ZCCHC4: variants seen among roughly 807,000 people sequenced by gnomAD.
ZCCHC4 encodes the protein rRNA N(6)-adenosine-methyltransferase ZCCHC4.
In ZCCHC4, 54 loss-of-function variants were observed where a neutral mutation model predicts 67.7. The ratio of observed to expected loss-of-function variants is 0.80; its 90% CI spans 0.64 to 1.00. The LOEUF (loss-of-function observed/expected upper bound fraction) is 1.00. ZCCHC4 is among the 50% of genes least tolerant of loss of function. ZCCHC4 has a pLI of 0.00. For synonymous variants in ZCCHC4, 198 were observed against 213.5 expected (o/e 0.93, Z 0.63); for missense variants, 609 against 617.0 (o/e 0.99, Z 0.14).
At chr4:25,363,798 T>G (rs1296466438) in intron 10 of ZCCHC4, among the ~76,000 whole-genome samples, 1 of 151,834 alleles carries the variant, frequency 6.6e-6, no homozygotes, top group Non-Finnish European at 1.5e-5. Flanking sequence ...CACACAAAGG[T>G]GGTAAAAGGA....
At chr4:25,362,397 G>A in intron 10 of ZCCHC4, 96 bp downstream of exon 10, 1 of 742,502 alleles carries the variant, frequency 1.3e-6, no homozygotes, top group Non-Finnish European at 2.0e-6. Flanking sequence ...TTTGTTAATA[G>A]GATTTGTATT....
At chr4:25,357,743 G>C (rs1720570812) in intron 8 of ZCCHC4, among the ~76,000 whole-genome samples, 1 of 152,152 alleles carries the variant, frequency 6.6e-6, no homozygotes, top group African/African-American at 2.4e-5. Context: ...TAACTTATTT[G>C]AATGTCAGGC....
At chr4:25,319,752 C>T (rs1305726973) in intron 3 of ZCCHC4, among the ~76,000 whole-genome samples, 1 of 151,824 alleles carries the variant, frequency 6.6e-6, no homozygotes, top group Non-Finnish European at 1.5e-5. Context: ...GTAAGTAGAC[C>T]TAAGGATGAT....
chr4:25,322,402 A>G (rs1718629186), intron 3 of ZCCHC4, among the ~76,000 whole-genome samples: 1 of 152,200 alleles, frequency 6.6e-6, no homozygotes, highest in Non-Finnish European at 1.5e-5. Context: ...GGATTTGCCT[A>G]TTCTAGATGT....
chr4:25,350,466 G>T (rs890713897), intron 7 of ZCCHC4, among the ~76,000 whole-genome samples: 5 of 151,742 alleles, frequency 3.3e-5, no homozygotes, highest in Non-Finnish European at 5.9e-5. Flanking sequence ...ACAGGGTTTT[G>T]CCATGTTGGC....
In ZCCHC4 at chr4:25,369,143, C is replaced by A; in HGVS notation, c.1521C>A (p.Ala507=). The A allele has an allele frequency of 6.2e-7, 1 of 1,612,346 alleles. No individual in the cohort carries two copies. The highest frequency in any genetic ancestry group is 8.5e-7 in the Non-Finnish European group (1 of 1,179,448). The change falls in exon 13 of 13, where the codon GCC becomes GCA. Residue 507 remains alanine, a synonymous_variant. Coordinates refer to ENST00000302874, the MANE Select transcript of ZCCHC4 (RefSeq NM_024936.3). The part of the protein sequence containing the change: ...ATRRKKRRER[A]HQYLGS Reference sequence around the variant, plus strand: ...GGAGAAAGAAAAGGAGGGAAAGAGCCCATCAATATCTTGGCTCTTAAATGT... The same window carrying A: ...GGAGAAAGAAAAGGAGGGAAAGAGCACATCAATATCTTGGCTCTTAAATGT...
intron 5 of ZCCHC4, among the ~76,000 whole-genome samples, chr4:25,336,353 A>C (rs191368649): frequency 1.3e-5 from 2 of 152,294 alleles, no homozygotes; most frequent in African/African-American, 4.8e-5. Flanking sequence ...GATTGTATGG[A>C]TATGCATGGA....
intron 8 of ZCCHC4, among the ~76,000 whole-genome samples, chr4:25,360,800 G>C (rs781313217): frequency 6.6e-6 from 1 of 152,144 alleles, no homozygotes; most frequent in Non-Finnish European, 1.5e-5. Flanking sequence ...ATTCCTGATG[G>C]GGGGGCATGA....
At chr4:25,317,937 A>G (rs1023662529) in intron 3 of ZCCHC4, among the ~76,000 whole-genome samples, 1 of 152,214 alleles carries the variant, frequency 6.6e-6, no homozygotes, top group African/African-American at 2.4e-5. Context: ...ATGTAAAAGC[A>G]GATAGTAATA....
At chr4:25,334,189 G>T (rs1719334260) in intron 5 of ZCCHC4, among the ~76,000 whole-genome samples, 1 of 152,120 alleles carries the variant, frequency 6.6e-6, no homozygotes, top group Non-Finnish European at 1.5e-5. Flanking sequence ...TTCTCCTTTT[G>T]CTGGTGGGCT....
chr4:25,325,737 C>T (rs1203174438), intron 3 of ZCCHC4, among the ~76,000 whole-genome samples: 2 of 152,044 alleles, frequency 1.3e-5, no homozygotes, highest in Non-Finnish European at 2.9e-5. Context: ...AAATCTTTGC[C>T]AAACCCAGTC....
intron 8 of ZCCHC4, among the ~76,000 whole-genome samples, chr4:25,358,734 G>A (rs540236964): frequency 6.6e-6 from 1 of 152,232 alleles, no homozygotes; most frequent in Non-Finnish European, 1.5e-5. Context: ...TGCACGTTAT[G>A]TAACCACACC....
rs1377947025 is a variant in ZCCHC4 at position 25,333,229 on chromosome 4, C to G, written c.376C>G (p.Gln126Glu). Reference sequence around the variant, plus strand: ...GCCCTTGACTCAGAGAAAGTTTTGTCAAACATGTCAGCAGTTGTTGTTACC... The same window carrying G: ...GCCCTTGACTCAGAGAAAGTTTTGTGAAACATGTCAGCAGTTGTTGTTACC... ...ELPLTQRKFC[Q>E]TCQQLLLPDD... Residue 126 changes from glutamine (Q) to glutamate (E), a missense_variant, in exon 4 of 13, where the codon CAA (glutamine) becomes GAA (glutamate). By Grantham distance (29) the Gln-to-Glu change is conservative. Coordinates refer to ENST00000302874, the MANE Select transcript of ZCCHC4 (RefSeq NM_024936.3). 2.0e-5 allele frequency: 33 copies of G among 1,613,956 alleles called. No individual in the cohort carries two copies. The highest frequency in any genetic ancestry group is 2.6e-5 in the Non-Finnish European group (31 of 1,179,996).
intron 3 of ZCCHC4, among the ~76,000 whole-genome samples, chr4:25,330,763 G>A (rs1719138776): frequency 6.6e-6 from 1 of 152,150 alleles, no homozygotes; most frequent in Non-Finnish European, 1.5e-5. Context: ...TGTATTGTGA[G>A]GCATTTCCAC....
intron 12 of ZCCHC4, among the ~76,000 whole-genome samples, chr4:25,367,746 GA>G (rs1721007866): frequency 6.6e-6 from 1 of 152,040 alleles, no homozygotes; most frequent in African/African-American, 2.4e-5. Context: ...ATCTAAATAT[GA>G]AAAAATTTAA....
rs1720634183 is a variant in ZCCHC4, at chr4:25,359,383, A to C, written c.1012-2476A>C. Among the ~76,000 whole-genome samples, 2 of 152,066 alleles carry C rather than the reference A, an allele frequency of 1.3e-5. No individual in the cohort carries two copies. Among genetic ancestry groups the C allele is most frequent in the South Asian group, 4.1e-4 (2 of 4,820 alleles). Reference sequence around the variant, plus strand: ...AGAAAAAGAGTTAGAAGCTGCCATGAATGGGGACCTCCAGGCACAGGCGGG... The same window carrying C: ...AGAAAAAGAGTTAGAAGCTGCCATGCATGGGGACCTCCAGGCACAGGCGGG... On this transcript the variant is annotated intron_variant, in intron 8 of 12. Coordinates refer to ENST00000302874, the MANE Select transcript of ZCCHC4 (RefSeq NM_024936.3). This position sits in a 1 kb window ranked among gnomAD's most constrained non-coding sequence, Gnocchi z 4.9.
At chr4:25,331,568 A>C (rs1447530243) in intron 3 of ZCCHC4, among the ~76,000 whole-genome samples, 1 of 152,134 alleles carries the variant, frequency 6.6e-6, no homozygotes, top group African/African-American at 2.4e-5. Flanking sequence ...TGGGCTCCCA[A>C]AGTGCTGGGA....
chr4:25,324,014 G>GTTTTTTTTTTGTTTTTTTTTT (rs1718724938), intron 3 of ZCCHC4, among the ~76,000 whole-genome samples: 1 of 82,448 alleles, frequency 1.2e-5, no homozygotes, highest in Non-Finnish European at 2.1e-5. Context: ...TGTTTTTTGT[G>GTTTTTTTTTTGTTTTTTTTTT]TTTTTTTTTT....
At chr4:25,335,239 G>A (rs1719395531) in intron 5 of ZCCHC4, among the ~76,000 whole-genome samples, 1 of 152,172 alleles carries the variant, frequency 6.6e-6, no homozygotes, top group South Asian at 2.1e-4. Flanking sequence ...TTGAGGTCAG[G>A]AGTGCAAGAC....
Sources: gnomAD v4.1 joint callset for allele counts (sites outside exome capture counted in the v4.1 genomes callset) on GRCh38, gnomAD v4.1.1 for gene constraint, Gnocchi (gnomAD v3.1) non-coding constraint, MANE v1.5 for transcripts, NCBI Gene and HGNC (gene_info 2026-07-23, HGNC 2026-07-21) for gene names.